The following HECW1 variants were observed in gnomAD, a reference collection of about 807,000 sequenced individuals.
HECW1 encodes HECT, C2 and WW domain containing E3 ubiquitin protein ligase 1.
A neutral mutation model predicts 182.3 loss-of-function variants in HECW1; 61 were observed. That is an observed-to-expected ratio of 0.33 (90% CI 0.27 to 0.41). HECW1 has a LOEUF of 0.41. Ranked by LOEUF, HECW1 falls within the 10% of genes least tolerant of loss-of-function variation. The pLI, the probability that HECW1 is intolerant of heterozygous loss-of-function variation, is 1.00. For synonymous variants in HECW1, 859 were observed against 832.6 expected (o/e 1.03, Z -0.55); for missense variants, 1,739 against 2,108.9 (o/e 0.82, Z 3.44).
chr7:43,250,405 A>G (rs1224617118), intron 3 of HECW1, among the ~76,000 whole-genome samples: 2 of 152,164 alleles, frequency 1.3e-5, no homozygotes, highest in Non-Finnish European at 2.9e-5. Context: ...TGTACCAGAT[A>G]TAGTCAAAAA....
intron 6 of HECW1, among the ~76,000 whole-genome samples, chr7:43,387,755 G>A (rs1157068934): frequency 6.6e-6 from 1 of 152,184 alleles, no homozygotes; most frequent in Non-Finnish European, 1.5e-5. Context: ...CAGGATTCTG[G>A]GCTCTGGCCC....
intron 2 of HECW1, among the ~76,000 whole-genome samples, chr7:43,168,691 T>G (rs574235269): frequency 6.6e-6 from 1 of 151,980 alleles, no homozygotes; most frequent in Non-Finnish European, 1.5e-5. Flanking sequence ...AATAATAGTA[T>G]GTATTAATCA....
chr7:43,284,695 T>C (rs1804392886), intron 3 of HECW1, among the ~76,000 whole-genome samples: 1 of 152,128 alleles, frequency 6.6e-6, no homozygotes. Flanking sequence ...TTGACCAACA[T>C]CTCCCCAATT....
chr7:43,196,580 G>C (rs552217066), intron 2 of HECW1, among the ~76,000 whole-genome samples: 2 of 152,298 alleles, frequency 1.3e-5, no homozygotes, highest in Admixed American at 6.5e-5. Flanking sequence ...TGAATCTCTT[G>C]CCTCATTGAT....
At chr7:43,148,391 C>T (rs944905940) in intron 2 of HECW1, among the ~76,000 whole-genome samples, 1 of 151,898 alleles carries the variant, frequency 6.6e-6, no homozygotes, top group Non-Finnish European at 1.5e-5. Context: ...CAGCACCTGG[C>T]TGCAGTCCCT....
chr7:43,341,114 A>T (rs1199915948), intron 5 of HECW1, among the ~76,000 whole-genome samples: 1 of 151,664 alleles, frequency 6.6e-6, no homozygotes, highest in Admixed American at 6.6e-5. Context: ...AACAATGAGA[A>T]CACTTGGACA....
At chr7:43,315,787 C>A (rs1312081437) in intron 4 of HECW1, among the ~76,000 whole-genome samples, 2 of 152,174 alleles carry the variant, frequency 1.3e-5, no homozygotes, top group African/African-American at 4.8e-5. Context: ...ATCCACCGCG[C>A]CTGGCCCTGT....
rs1239110573 is a variant in HECW1, at chr7:43,360,935, G to A, written c.510G>A (p.Leu170=). The A allele has an allele frequency of 6.2e-6, 10 of 1,613,644 alleles. No individual in the cohort carries two copies. The highest frequency in any genetic ancestry group is 8.5e-6 in the Non-Finnish European group (10 of 1,179,884). ...FKYYHGVSGA[L]RATTPSVTVK... Reference sequence around the variant, plus strand: ...ACTACCATGGAGTGAGTGGGGCCCTGCGAGCAACCACCCCCAGTGTCACGG... The same window carrying A: ...ACTACCATGGAGTGAGTGGGGCCCTACGAGCAACCACCCCCAGTGTCACGG... Residue 170 remains leucine, a synonymous_variant, in exon 6 of 30, where the codon CTG becomes CTA. Coordinates refer to ENST00000395891, the MANE Select transcript of HECW1 (RefSeq NM_015052.5).
chr7:43,245,155 T>C (rs1360499036), intron 3 of HECW1, among the ~76,000 whole-genome samples: 1 of 152,230 alleles, frequency 6.6e-6, no homozygotes, highest in Non-Finnish European at 1.5e-5. Flanking sequence ...GTCACTTAAA[T>C]TCCCCTTTAT....
chr7:43,484,118 A>G (rs2078540087), intron 17 of HECW1: 1 of 152,366 alleles, frequency 6.6e-6, no homozygotes, highest in Middle Eastern at 3.4e-3. Context: ...CTGAGTATCA[A>G]TCATTGTTCA....
At chr7:43,156,404 CTCTTA>C (rs1789891298) in intron 2 of HECW1, among the ~76,000 whole-genome samples, 1 of 152,158 alleles carries the variant, frequency 6.6e-6, no homozygotes, top group African/African-American at 2.4e-5. Context: ...AATGGTATTT[CTCTTA>C]TCTTAGTACC....
At chr7:43,152,023 A>G (rs1259990074) in intron 2 of HECW1, among the ~76,000 whole-genome samples, 1 of 152,220 alleles carries the variant, frequency 6.6e-6, no homozygotes, top group Non-Finnish European at 1.5e-5. Flanking sequence ...ATCAACCTAA[A>G]GTGTCATCAA....
chr7:43,254,868 T>C (rs983964169), intron 3 of HECW1, among the ~76,000 whole-genome samples: 1 of 152,196 alleles, frequency 6.6e-6, no homozygotes, highest in East Asian at 1.9e-4. Flanking sequence ...ACCCTAACCT[T>C]CTTTTATGTC....
At chr7:43,460,833 C>T (rs184177150) in intron 13 of HECW1, among the ~76,000 whole-genome samples, 30 of 152,260 alleles carry the variant, frequency 2.0e-4, no homozygotes, top group African/African-American at 5.8e-4. Context: ...CTCTGTGCTT[C>T]GGCAGAGGTC....
rs576817051 is a variant in HECW1, at chr7:43,319,227, A to C, written c.353-1408A>C. On this transcript the variant is annotated intron_variant, in intron 4 of 29. Coordinates refer to ENST00000395891, the MANE Select transcript of HECW1 (RefSeq NM_015052.5). Reference sequence around the variant, plus strand: ...ACGGTGAAACCCCGTCTCTACTAAAAATACAAAAAATTAGCCGGGCGCGGT... The same window carrying C: ...ACGGTGAAACCCCGTCTCTACTAAACATACAAAAAATTAGCCGGGCGCGGT... 1.5e-4 allele frequency among the ~76,000 whole-genome samples: 23 copies of C among 151,574 alleles called. No homozygotes were observed. The South Asian group carries it at 4.9e-3, about 32-fold the overall frequency.
At chr7:43,141,340 G>A (rs1290959210) in intron 2 of HECW1, among the ~76,000 whole-genome samples, 2 of 152,140 alleles carry the variant, frequency 1.3e-5, no homozygotes, top group Non-Finnish European at 2.9e-5. Flanking sequence ...ACACAGGCAC[G>A]CTGACCCCCT....
chr7:43,213,595 G>A (rs958269012), intron 2 of HECW1, among the ~76,000 whole-genome samples: 6 of 151,798 alleles, frequency 4.0e-5, no homozygotes, highest in East Asian at 1.9e-4. Context: ...ACAGGCGCCC[G>A]CCACCATGCC....
chr7:43,166,493 A>T (rs1791129111), intron 2 of HECW1, among the ~76,000 whole-genome samples: 1 of 152,126 alleles, frequency 6.6e-6, no homozygotes, highest in African/African-American at 2.4e-5. Context: ...CAGGGTGGAG[A>T]TGGATGAGGG....
intron 2 of HECW1, among the ~76,000 whole-genome samples, chr7:43,218,183 C>G (rs900923324): frequency 7.9e-5 from 12 of 152,144 alleles, no homozygotes; most frequent in African/African-American, 2.9e-4. Flanking sequence ...AAATCAATAC[C>G]ACAATGCTGG....
Sources: allele counts gnomAD v4.1 joint callset (sites outside exome capture counted in the v4.1 genomes callset), GRCh38; gene constraint gnomAD v4.1.1; transcripts MANE v1.5; gene names NCBI Gene and HGNC (gene_info 2026-07-23, HGNC 2026-07-21).